SEMA5A: variants seen among roughly 807,000 people sequenced by gnomAD.
SEMA5A encodes semaphorin 5A, also known as semaphorin-5A.
SEMA5A carries 55 observed loss-of-function variants against 135.5 expected under a neutral mutation model. That is an observed-to-expected ratio of 0.41 (90% CI 0.33 to 0.51). The LOEUF (loss-of-function observed/expected upper bound fraction) is 0.51. Ranked by LOEUF, SEMA5A falls within the 20% of genes least tolerant of loss-of-function variation. The probability of loss-of-function intolerance (pLI) is 0.37; values close to 1 mark genes in which losing one functional copy is unlikely to be tolerated. For missense variants in SEMA5A, 1,290 were observed against 1,419.9 expected, an observed-to-expected ratio of 0.91 and a Z score of 1.47; for synonymous variants, 580 against 546.5, an observed-to-expected ratio of 1.06 and a Z score of -0.85.
chr5:9,057,297 GA>G (rs2150055403), intron 18 of SEMA5A, among the ~76,000 whole-genome samples: 1 of 152,230 alleles, frequency 6.6e-6, no homozygotes, highest in East Asian at 1.9e-4. Context: ...TTACCACAGC[GA>G]AAACAAAAAT....
intron 2 of SEMA5A, among the ~76,000 whole-genome samples, chr5:9,425,804 G>C (rs1757625697): frequency 6.6e-6 from 1 of 152,114 alleles, no homozygotes; most frequent in Non-Finnish European, 1.5e-5. Flanking sequence ...TTCTGTAATA[G>C]TCTACCAAGA....
Position 9,154,484 on chromosome 5 carries a change from C to T in SEMA5A, c.1481+4G>A, listed in dbSNP as rs183885183. On this transcript the variant is annotated splice_donor_region_variant and intron_variant, in intron 12 of 22. Coordinates refer to ENST00000382496, the MANE Select transcript of SEMA5A (RefSeq NM_003966.3). Reference sequence around the variant, plus strand: ...AGTGCATCCTGACCCCGGAGATGCCCTACCTGCGTGTGCGGTAGAACTGGC... The same window carrying T: ...AGTGCATCCTGACCCCGGAGATGCCTTACCTGCGTGTGCGGTAGAACTGGC... 3.7e-6 allele frequency: 6 copies of T among 1,611,802 alleles called. No homozygotes were observed. Among genetic ancestry groups the T allele is most frequent in the Admixed American group, 3.3e-5 (2 of 59,998 alleles).
At chr5:9,238,326 T>C (rs1287432170) in intron 5 of SEMA5A, among the ~76,000 whole-genome samples, 2 of 152,198 alleles carry the variant, frequency 1.3e-5, no homozygotes, top group Admixed American at 6.5e-5. Flanking sequence ...TTTATCAATA[T>C]TCATAGATAA....
intron 6 of SEMA5A, among the ~76,000 whole-genome samples, chr5:9,227,293 G>A (rs1747366231): frequency 1.3e-5 from 2 of 152,136 alleles, no homozygotes; most frequent in South Asian, 2.1e-4. Context: ...TGACAGAAAT[G>A]ATTTCATTTT....
At chr5:9,267,493 A>T (rs939412877) in intron 5 of SEMA5A, among the ~76,000 whole-genome samples, 10 of 152,136 alleles carry the variant, frequency 6.6e-5, no homozygotes, top group African/African-American at 1.9e-4. Context: ...TTAATGACAC[A>T]GAGATAAATT....
At chr5:9,422,796 C>T (rs1026163764) in intron 2 of SEMA5A, among the ~76,000 whole-genome samples, 5 of 151,978 alleles carry the variant, frequency 3.3e-5, no homozygotes, top group Non-Finnish European at 7.4e-5. Context: ...TTGGTATCAC[C>T]AATAAAGAGG....
intron 16 of SEMA5A, among the ~76,000 whole-genome samples, chr5:9,076,751 A>C (rs1459805945): frequency 6.6e-6 from 1 of 152,150 alleles, no homozygotes; most frequent in Non-Finnish European, 1.5e-5. Flanking sequence ...TTTGTAGATA[A>C]ATGCTTCATA....
At chr5:9,447,356 T>C (rs772823430) in intron 1 of SEMA5A, among the ~76,000 whole-genome samples, 3 of 152,232 alleles carry the variant, frequency 2.0e-5, no homozygotes, top group Non-Finnish European at 4.4e-5. Context: ...AGACAAACTC[T>C]GATGTTCTAT....
At chr5:9,247,141 T>C (rs1330468599) in intron 5 of SEMA5A, among the ~76,000 whole-genome samples, 1 of 152,190 alleles carries the variant, frequency 6.6e-6, no homozygotes, top group Admixed American at 6.5e-5. Flanking sequence ...CACGCAACTC[T>C]TTGTTGTTTG....
At chr5:9,277,156 T>C (rs1750304943) in intron 5 of SEMA5A, among the ~76,000 whole-genome samples, 1 of 152,060 alleles carries the variant, frequency 6.6e-6, no homozygotes, top group South Asian at 2.1e-4. Context: ...GGGCAAAGGA[T>C]ATGAACAGAC....
chr5:9,310,650 A>G (rs1752083507), intron 5 of SEMA5A, among the ~76,000 whole-genome samples: 2 of 151,820 alleles, frequency 1.3e-5, no homozygotes, highest in African/African-American at 4.8e-5. Flanking sequence ...TAGTTATATT[A>G]TAGTGTTATG....
chr5:9,472,759 C>A (rs1759522311), intron 1 of SEMA5A, among the ~76,000 whole-genome samples: 1 of 152,036 alleles, frequency 6.6e-6, no homozygotes, highest in African/African-American at 2.4e-5. Flanking sequence ...AAAAAGCATT[C>A]ACTATCTGAG....
At chr5:9,323,701 G>A (rs1162457760) in intron 4 of SEMA5A, among the ~76,000 whole-genome samples, 13 of 125,662 alleles carry the variant, frequency 1.0e-4, no homozygotes, top group Non-Finnish European at 1.1e-4. Context: ...TTGCTTCTTC[G>A]CCCAGGCTGG....
At position 9,286,887 on chromosome 5, in the gene SEMA5A, C is replaced by T. The variant is rs114308225; in HGVS notation, c.270+31485G>A. Reference sequence around the variant, plus strand: ...GTCCCCTGAGATCTTGGCCTTGGGCCGGGCTCCTTCTGCACCTTGGACCAG... The same window carrying T: ...GTCCCCTGAGATCTTGGCCTTGGGCTGGGCTCCTTCTGCACCTTGGACCAG... On this transcript the variant is annotated intron_variant, in intron 5 of 22. Transcript: ENST00000382496. Among the ~76,000 whole-genome samples the T allele has an allele frequency of 2.9e-3, 435 of 152,346 alleles. 1 individual carries two copies. Among genetic ancestry groups the T allele is most frequent in the African/African-American group, 9.9e-3 (410 of 41,582 alleles).
chr5:9,297,249 A>G (rs1166687217), intron 5 of SEMA5A, among the ~76,000 whole-genome samples: 1 of 151,712 alleles, frequency 6.6e-6, no homozygotes, highest in African/African-American at 2.4e-5. Flanking sequence ...TTTTTTTTCT[A>G]TCGACTCAAA....
At chr5:9,458,788 G>A (rs1341919185) in intron 1 of SEMA5A, among the ~76,000 whole-genome samples, 1 of 152,190 alleles carries the variant, frequency 6.6e-6, no homozygotes, top group Non-Finnish European at 1.5e-5. Flanking sequence ...CAATTTGGGA[G>A]GAACCCAATG....
At chr5:9,337,890 G>C (rs1030899212) in intron 3 of SEMA5A, 78 bp from the exon 4 acceptor site, 1 of 931,386 alleles carries the variant, frequency 1.1e-6, no homozygotes, top group Non-Finnish European at 1.6e-6. Context: ...GTGCACATCA[G>C]GTAGCAGACG....
At chr5:9,356,991 T>C (rs1205718) in intron 3 of SEMA5A, among the ~76,000 whole-genome samples, 104,623 of 152,044 alleles carry the variant, frequency 0.69, 36,353 homozygotes, top group South Asian at 0.76. Context: ...AATTACCAGC[T>C]TGCAAGACAT....
chr5:9,183,522 G>T (rs1744639520), intron 11 of SEMA5A, among the ~76,000 whole-genome samples: 1 of 152,182 alleles, frequency 6.6e-6, no homozygotes. Flanking sequence ...GAACCTCCTG[G>T]TCCTGCCCAG....
Sources: allele counts gnomAD v4.1 joint callset (sites outside exome capture counted in the v4.1 genomes callset), GRCh38; gene constraint gnomAD v4.1.1; transcripts MANE v1.5; gene names NCBI Gene and HGNC (gene_info 2026-07-23, HGNC 2026-07-21).